Variants in CYCS observed in about 807,000 individuals in gnomAD.
CYCS encodes the protein cytochrome c.
For missense variants in CYCS, 87 were observed against 125.3 expected (o/e 0.69, Z 1.46); for synonymous variants, 41 against 43.0 (o/e 0.95, Z 0.18).
rs761747583 is a variant in CYCS, at chr7:25,124,131, A to G, written c.-8-4T>C. 1 of 1,611,250 alleles carries G rather than the reference A, an allele frequency of 6.2e-7. No homozygotes were observed. The highest frequency in any genetic ancestry group is 8.5e-7 in the Non-Finnish European group (1 of 1,179,226). ...TCAACATCACCCATATTTAATTCTAAAAACGAAAGCTTCAACTTAGTAAAT... is the reference window on the plus strand; with the variant it reads ...TCAACATCACCCATATTTAATTCTAGAAACGAAAGCTTCAACTTAGTAAAT... On this transcript the variant is annotated splice_polypyrimidine_tract_variant and splice_region_variant and intron_variant, in intron 1 of 2. Transcript: ENST00000305786.
At position 25,123,708 on chromosome 7, in the gene CYCS, T is replaced by A; in HGVS notation, c.311A>T (p.Asn104Ile). 6.2e-7 allele frequency: 1 copy of A among 1,600,408 alleles called. No homozygotes were observed. Among genetic ancestry groups the A allele is most frequent in the Non-Finnish European group, 8.5e-7 (1 of 1,179,874 alleles). Residue 104 changes from asparagine (N) to isoleucine (I), a missense_variant, in exon 3 of 3, where the codon AAT becomes ATT. Coordinates refer to ENST00000305786, the MANE Select transcript of CYCS (RefSeq NM_018947.6). ...TAAGGCAGTGGCCAATTATTACTCA[T>A]TAGTAGCTTTTTTGAGATAAGCTAT... ...DLIAYLKKAT[N>I]E
chr7:25,122,193 C>T lies in CYCS; in HGVS notation c.*1508G>A, dbSNP rs976165904. The T allele has an allele frequency of 2.0e-5, 3 of 152,118 alleles. No homozygotes were observed. The highest frequency in any genetic ancestry group is 2.0e-4 in the Admixed American group (3 of 15,272). The allele number at this position is 152,118 out of a possible 1,614,324, so 9.4% of individuals were successfully genotyped here. A position where few individuals can be genotyped will look rare whatever the true frequency, so the allele number is the denominator to read the frequency against. On this transcript the variant is annotated 3_prime_UTR_variant, in exon 3 of 3. Transcript: ENST00000305786. ...AAAGTCTGAAATCTTTAAAGGATTT[C>T]CAGGATGCATTTTTAAATTCCCCAC...
Position 25,123,152 on chromosome 7 carries a change from C to T in CYCS, c.*549G>A, listed in dbSNP as rs1185736696. ...ACATAAACCACACTAAAATGCCTTTCAATAAGTAAAAGAAACCATTTTAAA... is the reference window on the plus strand; with the variant it reads ...ACATAAACCACACTAAAATGCCTTTTAATAAGTAAAAGAAACCATTTTAAA... On this transcript the variant is annotated 3_prime_UTR_variant, in exon 3 of 3. Coordinates refer to ENST00000305786, the MANE Select transcript of CYCS (RefSeq NM_018947.6). The T allele has an allele frequency of 6.2e-6, 1 of 160,472 alleles. No homozygotes were observed. The highest frequency in any genetic ancestry group is 1.4e-5 in the Non-Finnish European group (1 of 72,512). 9.9% of individuals were successfully genotyped at this position (160,472 alleles called of 1,614,324 possible).
Position 25,120,237 on chromosome 7 carries a change from C to G in CYCS, c.*3464G>C, listed in dbSNP as rs1469580515. On this transcript the variant is annotated 3_prime_UTR_variant, in exon 3 of 3. Coordinates refer to ENST00000305786, the MANE Select transcript of CYCS (RefSeq NM_018947.6). ...AGTAGCTGAGATTACAGGTGCCCACCACCACACCTGGCTAATTTTTATGTT... is the reference window on the plus strand; with the variant it reads ...AGTAGCTGAGATTACAGGTGCCCACGACCACACCTGGCTAATTTTTATGTT... 1 of 152,132 alleles carries G rather than the reference C, an allele frequency of 6.6e-6. No homozygotes were observed. The highest frequency in any genetic ancestry group is 1.5e-5 in the Non-Finnish European group (1 of 68,042). 9.4% of individuals were successfully genotyped at this position (152,132 alleles called of 1,614,324 possible). A position where few individuals can be genotyped will look rare whatever the true frequency, so the allele number is the denominator to read the frequency against.
rs980048516 is a variant in CYCS, at chr7:25,120,641, G to C, written c.*3060C>G. The C allele has an allele frequency of 6.6e-6, 1 of 152,220 alleles. No individual in the cohort carries two copies. The highest frequency in any genetic ancestry group is 2.4e-5 in the African/African-American group (1 of 41,462). 9.4% of individuals were successfully genotyped at this position (152,220 alleles called of 1,614,324 possible). ...AGTTCTATTAGACAGCACTGTTCTAGACAAAATAAGCATGTAGGTGGCATC... is the reference window on the plus strand; with the variant it reads ...AGTTCTATTAGACAGCACTGTTCTACACAAAATAAGCATGTAGGTGGCATC... On this transcript the variant is annotated 3_prime_UTR_variant, in exon 3 of 3. Coordinates refer to ENST00000305786, the MANE Select transcript of CYCS (RefSeq NM_018947.6).
rs2128576467 is a variant in CYCS, at chr7:25,118,879, G to A, written c.*4822C>T. On this transcript the variant is annotated 3_prime_UTR_variant, in exon 3 of 3. Transcript: ENST00000305786. Reference sequence around the variant, plus strand: ...CCTGCACTTTTACTCTTTGAGAAATGAATGCAGTAAATTTACTTAGCTTTC... The same window carrying A: ...CCTGCACTTTTACTCTTTGAGAAATAAATGCAGTAAATTTACTTAGCTTTC... Among the ~76,000 whole-genome samples the A allele has an allele frequency of 1.3e-5, 2 of 152,302 alleles. No individual in the cohort carries two copies. Among genetic ancestry groups the A allele is most frequent in the South Asian group, 4.1e-4 (2 of 4,828 alleles).
rs1033494082 is a variant in CYCS at position 25,121,100 on chromosome 7, G to C, written c.*2601C>G. The C allele has an allele frequency of 3.3e-5, 5 of 151,906 alleles. No individual in the cohort carries two copies. Among genetic ancestry groups the C allele is most frequent in the African/African-American group, 1.2e-4 (5 of 41,322 alleles). The allele number at this position is 151,906 out of a possible 1,614,324, so 9.4% of individuals were successfully genotyped here. A position where few individuals can be genotyped will look rare whatever the true frequency, so the allele number is the denominator to read the frequency against. On this transcript the variant is annotated 3_prime_UTR_variant, in exon 3 of 3. Coordinates refer to ENST00000305786, the MANE Select transcript of CYCS (RefSeq NM_018947.6). ...GATCACGCCATTGCACTCCAGCCTG[G>C]GCAACAAGAGTGAAATTATCTCAAA...
In CYCS at chr7:25,120,219, G is replaced by A. The variant is rs1175261979; in HGVS notation, c.*3482C>T. 2 of 152,046 alleles carry A rather than the reference G, an allele frequency of 1.3e-5. No individual in the cohort carries two copies. The highest frequency in any genetic ancestry group is 2.9e-5 in the Non-Finnish European group (2 of 68,038). 9.4% of individuals were successfully genotyped at this position (152,046 alleles called of 1,614,324 possible). ...TTGTGCCTCAGCCTCCCAAGTAGCT[G>A]AGATTACAGGTGCCCACCACCACAC... is the stretch of plus-strand genomic sequence containing the variant. On this transcript the variant is annotated 3_prime_UTR_variant, in exon 3 of 3. Coordinates refer to ENST00000305786, the MANE Select transcript of CYCS (RefSeq NM_018947.6).
chr7:25,119,565 T>C lies in CYCS; in HGVS notation c.*4136A>G, dbSNP rs12700584. Among the ~76,000 whole-genome samples, 115,005 of 151,546 alleles carry C rather than the reference T, an allele frequency of 0.76. 44,051 individuals are homozygous for C. The highest frequency in any genetic ancestry group is 0.87 in the African/African-American group (35,881 of 41,344). ...TGCTGGGATTGCAGGCATGACCTAC[T>C]GCACCCAGACCACTTTTTTTTTTTT... is the stretch of plus-strand genomic sequence containing the variant. On this transcript the variant is annotated 3_prime_UTR_variant, in exon 3 of 3. Transcript: ENST00000305786.
At position 25,120,797 on chromosome 7, in the gene CYCS, G is replaced by A. The variant is rs1383059016; in HGVS notation, c.*2904C>T. ...TTCCCCTATTTCCTTATTTCTGAAG[G>A]TATATATCCCTGATAGAAATGTCCT... On this transcript the variant is annotated 3_prime_UTR_variant, in exon 3 of 3. Transcript: ENST00000305786. 3 of 152,190 alleles carry A rather than the reference G, an allele frequency of 2.0e-5. No homozygotes were observed. Among genetic ancestry groups the A allele is most frequent in the Non-Finnish European group, 4.4e-5 (3 of 68,030 alleles). The allele number at this position is 152,190 out of a possible 1,614,324, so 9.4% of individuals were successfully genotyped here.
chr7:25,122,720 A>ACTGCTGCACTGACATTTAGGG lies in CYCS; in HGVS notation c.*960_*980dup, dbSNP rs577601640. 6.6e-6 allele frequency: 1 copy of ACTGCTGCACTGACATTTAGGG among 152,198 alleles called. No homozygotes were observed. Among genetic ancestry groups the ACTGCTGCACTGACATTTAGGG allele is most frequent in the Non-Finnish European group, 1.5e-5 (1 of 68,040 alleles). The allele number at this position is 152,198 out of a possible 1,614,324, so 9.4% of individuals were successfully genotyped here. On this transcript the variant is annotated 3_prime_UTR_variant, in exon 3 of 3. Transcript: ENST00000305786. The stretch of plus-strand genomic sequence containing the variant: ...CAATCTAGCACCATGACTGGTTAAC[A>ACTGCTGCACTGACATTTAGGG]CTGCTGCACTGACATTTAGGGCTGC...
Position 25,123,437 on chromosome 7 carries a change from A to G in CYCS, c.*264T>C, listed in dbSNP as rs771263220. On this transcript the variant is annotated 3_prime_UTR_variant, in exon 3 of 3. Transcript: ENST00000305786. ...TCACCATCTTTGTGAAAAGTTGAAC[A>G]TTACTAACGAAGTCTAATCATATCT... The G allele has an allele frequency of 3.8e-5, 16 of 425,802 alleles. No homozygotes were observed. Among genetic ancestry groups the G allele is most frequent in the South Asian group, 1.1e-4 (5 of 43,872 alleles). The allele number at this position is 425,802 out of a possible 1,614,324, so 26.4% of individuals were successfully genotyped here.
Position 25,124,251 on chromosome 7 carries a change from G to C in CYCS, c.-8-124C>G, listed in dbSNP as rs1369731667. ...AATTTATGTCATTAAATACCAGAATGAATCTTGTTTTGCTTTAATACTCTT... is the reference window on the plus strand; with the variant it reads ...AATTTATGTCATTAAATACCAGAATCAATCTTGTTTTGCTTTAATACTCTT... On this transcript the variant is annotated intron_variant, in intron 1 of 2. Coordinates refer to ENST00000305786, the MANE Select transcript of CYCS (RefSeq NM_018947.6). 12 of 790,682 alleles carry C rather than the reference G, an allele frequency of 1.5e-5. No individual in the cohort carries two copies. In the East Asian group the frequency reaches 2.9e-4, roughly 19 times the overall value. 49.0% of individuals were successfully genotyped at this position (790,682 alleles called of 1,614,324 possible).
rs1374270215 is a variant in CYCS, at chr7:25,122,514, A to T, written c.*1187T>A. ...ACTACTCTAAATGTGTATGGCACAG[A>T]CTATGCATGAAATAATTCAGTATGT... is the stretch of plus-strand genomic sequence containing the variant. On this transcript the variant is annotated 3_prime_UTR_variant, in exon 3 of 3. Coordinates refer to ENST00000305786, the MANE Select transcript of CYCS (RefSeq NM_018947.6). The T allele has an allele frequency of 1.3e-5, 2 of 152,242 alleles. No individual in the cohort carries two copies. The highest frequency in any genetic ancestry group is 2.9e-5 in the Non-Finnish European group (2 of 68,042). 9.4% of individuals were successfully genotyped at this position (152,242 alleles called of 1,614,324 possible).
chr7:25,124,321 T>G (rs554003176), intron 1 of CYCS, among the ~76,000 whole-genome samples, 194 bp from the exon 2 acceptor site: 11 of 152,124 alleles, frequency 7.2e-5, no homozygotes, highest in Non-Finnish European at 1.6e-4. Context: ...TAGGAGTACC[T>G]CCTCAAAAAC....
chr7:25,123,830 A>G lies in CYCS; in HGVS notation c.189T>C (p.Asp63=). The change falls in exon 3 of 3, where the codon GAT becomes GAC. Residue 63 remains aspartate (D), a synonymous_variant. Transcript: ENST00000305786. The part of the protein sequence containing the change: ...NKNKGIIWGE[D]TLMEYLENPK... The stretch of plus-strand genomic sequence containing the variant: ...GATTCTCCAAATACTCCATCAGTGT[A>G]TCCTCTCCCCAGATGATGCCTAAAC... 6.2e-7 allele frequency: 1 copy of G among 1,614,146 alleles called. No individual in the cohort carries two copies. Among genetic ancestry groups the G allele is most frequent in the African/African-American group, 1.3e-5 (1 of 75,060 alleles).
Position 25,123,589 on chromosome 7 carries a change from TGTCA to T in CYCS, c.*108_*111del. ...ATCAGGACTGCCCAACAAAATATTC[TGTCA>T]GTCATTCATGATCTGAATTCTGGTG... On this transcript the variant is annotated 3_prime_UTR_variant, in exon 3 of 3. Coordinates refer to ENST00000305786, the MANE Select transcript of CYCS (RefSeq NM_018947.6). The T allele has an allele frequency of 1.0e-6, 1 of 953,348 alleles. No individual in the cohort carries two copies. The highest frequency in any genetic ancestry group is 1.6e-6 in the Non-Finnish European group (1 of 606,772). 59.1% of individuals were successfully genotyped at this position (953,348 alleles called of 1,614,324 possible). A position where few individuals can be genotyped will look rare whatever the true frequency, so the allele number is the denominator to read the frequency against.
At position 25,125,221 on chromosome 7, in the gene CYCS, A is replaced by T. The variant is rs1321434311; in HGVS notation, c.-30T>A. The T allele has an allele frequency of 6.5e-6, 1 of 152,872 alleles. No homozygotes were observed. Among genetic ancestry groups the T allele is most frequent in the African/African-American group, 2.4e-5 (1 of 41,466 alleles). 9.5% of individuals were successfully genotyped at this position (152,872 alleles called of 1,614,324 possible). ...TCACCTCTTTTTAGTCGCTGGCACAACGAACACTCCCGCTCCGAAGCCGGA... is the reference window on the plus strand; with the variant it reads ...TCACCTCTTTTTAGTCGCTGGCACATCGAACACTCCCGCTCCGAAGCCGGA... On this transcript the variant is annotated 5_prime_UTR_variant, in exon 1 of 3. In the 5' UTR this introduces an upstream ATG that the reference lacks. Transcript: ENST00000305786.
At position 25,118,874 on chromosome 7, in the gene CYCS, G is replaced by C. The variant is rs895312664; in HGVS notation, c.*4827C>G. On this transcript the variant is annotated 3_prime_UTR_variant, in exon 3 of 3. Transcript: ENST00000305786. ...TACAACCTGCACTTTTACTCTTTGA[G>C]AAATGAATGCAGTAAATTTACTTAG... Among the ~76,000 whole-genome samples, 3 of 152,162 alleles carry C rather than the reference G, an allele frequency of 2.0e-5. No individual in the cohort carries two copies. The highest frequency in any genetic ancestry group is 4.4e-5 in the Non-Finnish European group (3 of 68,044).
Sources: allele counts gnomAD v4.1 joint callset (sites outside exome capture counted in the v4.1 genomes callset), GRCh38; gene constraint gnomAD v4.1.1; transcripts MANE v1.5; gene names NCBI Gene and HGNC (gene_info 2026-07-23, HGNC 2026-07-21).